The following B3GALT5 variants were observed in gnomAD, a reference collection of about 807,000 sequenced individuals.
B3GALT5 encodes UDP-Gal:betaGlcNAc beta 1,3-galactosyltransferase, polypeptide 5.
For missense variants in B3GALT5, 328 were observed against 396.6 expected (o/e 0.83, Z 1.47); for synonymous variants, 156 against 158.6 (o/e 0.98, Z 0.12).
In B3GALT5 at chr21:39,663,692, G is replaced by T. The variant is rs1337412987; in HGVS notation, c.*2200G>T. The T allele has an allele frequency of 6.6e-6, 1 of 152,168 alleles. No homozygotes were observed. Among genetic ancestry groups the T allele is most frequent in the Non-Finnish European group, 1.5e-5 (1 of 68,030 alleles). The allele number at this position is 152,168 out of a possible 1,614,324, so 9.4% of individuals were successfully genotyped here. On this transcript the variant is annotated 3_prime_UTR_variant, in exon 4 of 4. Coordinates refer to ENST00000684187, the MANE Select transcript of B3GALT5 (RefSeq NM_001356336.2). ...TTATTTCATGAATCTAGAACTTGAA[G>T]GAACCTTAGAGCTCATTCAATCCTG...
chr21:39,660,844 C>T lies in B3GALT5; in HGVS notation c.285C>T (p.Phe95=), dbSNP rs774271083. The T allele has an allele frequency of 1.9e-6, 3 of 1,609,330 alleles. No homozygotes were observed. Among genetic ancestry groups the T allele is most frequent in the Non-Finnish European group, 2.5e-6 (3 of 1,177,842 alleles). Residue 95 remains phenylalanine (F), a synonymous_variant, in exon 4 of 4, where the codon TTC becomes TTT. Transcript: ENST00000684187. ...AGGGAAAGCAGCTGAAGACATTCTT[C>T]CTCCTGGGGACCACCAGCAGTGCAG... ...MVKGKQLKTF[F]LLGTTSSAAE...
intron 1 of B3GALT5, among the ~76,000 whole-genome samples, chr21:39,615,220 TAGGGTTCCATCAAG>T (rs2079101270): frequency 6.6e-6 from 1 of 152,214 alleles, no homozygotes; most frequent in African/African-American, 2.4e-5. Flanking sequence ...GGCCTGAGGA[TAGGGTTCCATCAAG>T]CTTTGTGGCT....
intron 1 of B3GALT5, among the ~76,000 whole-genome samples, chr21:39,641,631 A>C (rs868470181): frequency 3.2e-4 from 48 of 152,172 alleles, no homozygotes; most frequent in African/African-American, 1.1e-3. Flanking sequence ...TAAGTCTTCG[A>C]TTGAATCTGA....
rs1238522931 is a variant in B3GALT5, at chr21:39,667,260, C to T, written c.*5768C>T. 5.3e-5 allele frequency: 8 copies of T among 152,222 alleles called. No individual in the cohort carries two copies. Among genetic ancestry groups the T allele is most frequent in the East Asian group, 1.9e-4 (1 of 5,188 alleles). 9.4% of individuals were successfully genotyped at this position (152,222 alleles called of 1,614,324 possible). ...GGTCAGACTGGTGATTTCCAACTCC[C>T]GCCGGGCACCGGGTGCTGCACCGGT... On this transcript the variant is annotated 3_prime_UTR_variant, in exon 4 of 4. Transcript: ENST00000684187.
At position 39,670,242 on chromosome 21, in the gene B3GALT5, TGA is replaced by T. The variant is rs146415160; in HGVS notation, c.*8763_*8764del. 4 of 151,396 alleles carry T rather than the reference TGA, an allele frequency of 2.6e-5. No individual in the cohort carries two copies. Among genetic ancestry groups the T allele is most frequent in the Non-Finnish European group, 4.4e-5 (3 of 67,932 alleles). The allele number at this position is 151,396 out of a possible 1,614,324, so 9.4% of individuals were successfully genotyped here. ...GTGTGTGTGTGTGTGTGTGTATCTA[TGA>T]GAGAGAGAGAGACAGACAGACAGAT... On this transcript the variant is annotated 3_prime_UTR_variant, in exon 4 of 4. Coordinates refer to ENST00000684187, the MANE Select transcript of B3GALT5 (RefSeq NM_001356336.2).
chr21:39,657,923 G>A, intron 2 of B3GALT5: 1 of 1,231,144 alleles, frequency 8.1e-7, no homozygotes, highest in Non-Finnish European at 1.0e-6. Context: ...GATAGTGCCT[G>A]TTCATGGCTC....
rs78003025 is a variant in B3GALT5 at position 39,635,637 on chromosome 21, C to G, written c.-391-10755C>G. ...GGGATTACAGGCCTGTGCCACCACA[C>G]CCAGCTAATTTTGTATTTTTTTAGT... is the stretch of plus-strand genomic sequence containing the variant. On this transcript the variant is annotated intron_variant, in intron 1 of 3. Transcript: ENST00000684187. 3.2e-3 allele frequency among the ~76,000 whole-genome samples: 484 copies of G among 152,264 alleles called. 3 individuals carry two copies. The highest frequency in any genetic ancestry group is 9.7e-3 in the African/African-American group (403 of 41,542).
chr21:39,633,415 A>G (rs2079205207), intron 1 of B3GALT5, among the ~76,000 whole-genome samples: 1 of 152,226 alleles, frequency 6.6e-6, no homozygotes, highest in African/African-American at 2.4e-5. Flanking sequence ...GAATAGTGCT[A>G]TGGAGGCACT....
At chr21:39,652,585 C>T (rs544469407) in intron 2 of B3GALT5, among the ~76,000 whole-genome samples, 81 of 152,310 alleles carry the variant, frequency 5.3e-4, no homozygotes, top group African/African-American at 1.9e-3. Flanking sequence ...AGGCTGCCTG[C>T]GGTTAGCAGA....
chr21:39,615,206 C>T (rs2079101156), intron 1 of B3GALT5, among the ~76,000 whole-genome samples: 2 of 152,198 alleles, frequency 1.3e-5, no homozygotes, highest in African/African-American at 4.8e-5. Context: ...TTCTCTTTTG[C>T]CTTGGCCTGA....
intron 1 of B3GALT5, among the ~76,000 whole-genome samples, chr21:39,634,383 T>C (rs1165937792): frequency 1.3e-5 from 2 of 152,042 alleles, no homozygotes; most frequent in African/African-American, 2.4e-5. Context: ...TGGGAAAACG[T>C]TGGGAGCTGG....
intron 1 of B3GALT5, among the ~76,000 whole-genome samples, chr21:39,638,068 G>A (rs911528065): frequency 6.6e-5 from 10 of 152,150 alleles, no homozygotes; most frequent in African/African-American, 2.4e-4. Context: ...TACGGAAGAG[G>A]GGAAGAGAAG....
intron 2 of B3GALT5, among the ~76,000 whole-genome samples, chr21:39,649,708 G>T (rs2079376435): frequency 6.6e-6 from 1 of 152,146 alleles, no homozygotes; most frequent in African/African-American, 2.4e-5. Flanking sequence ...AGACCAGGGT[G>T]ACCAGACATC....
chr21:39,630,646 C>T (rs1052560269), intron 1 of B3GALT5, among the ~76,000 whole-genome samples: 1 of 151,732 alleles, frequency 6.6e-6, no homozygotes, highest in African/African-American at 2.4e-5. Flanking sequence ...CGTTTTCTTT[C>T]ACATTAAATT....
chr21:39,646,159 C>T (rs2079337288), intron 1 of B3GALT5, among the ~76,000 whole-genome samples: 2 of 152,130 alleles, frequency 1.3e-5, no homozygotes. Context: ...GCCTCTGCAG[C>T]TTTGCCCGGA....
chr21:39,661,309 C>T lies in B3GALT5; in HGVS notation c.750C>T (p.Leu250=), dbSNP rs199993795. 2.5e-5 allele frequency: 40 copies of T among 1,614,114 alleles called. No homozygotes were observed. Among genetic ancestry groups the T allele is most frequent in the East Asian group, 2.0e-4 (9 of 44,878 alleles). The change falls in exon 4 of 4, where the codon CTC becomes CTT. Residue 250 remains leucine (L), a synonymous_variant. Coordinates refer to ENST00000684187, the MANE Select transcript of B3GALT5 (RefSeq NM_001356336.2). This position sits in a 1 kb window ranked among gnomAD's most constrained non-coding sequence, Gnocchi z 4.7. ...AAGACGTGTTTGTGGGGCTCTGCCT[C>T]GAAAGGCTGAACATCAGATTGGAGG... is the stretch of plus-strand genomic sequence containing the variant. ...KLEDVFVGLC[L]ERLNIRLEEL... is the part of the protein sequence containing the mutation.
intron 2 of B3GALT5, among the ~76,000 whole-genome samples, chr21:39,647,555 T>G (rs910161099): frequency 3.0e-5 from 1 of 33,236 alleles, no homozygotes; most frequent in African/African-American, 1.4e-4. Context: ...GCCACGCTGG[T>G]CCACGCTGGT....
At chr21:39,649,560 G>A (rs547753122) in intron 2 of B3GALT5, among the ~76,000 whole-genome samples, 2 of 152,242 alleles carry the variant, frequency 1.3e-5, no homozygotes, top group South Asian at 4.1e-4. Context: ...TATAGAGCCG[G>A]GCTTAATTCT....
In B3GALT5 at chr21:39,668,593, G is replaced by C. The variant is rs142563041; in HGVS notation, c.*7101G>C. On this transcript the variant is annotated 3_prime_UTR_variant, in exon 4 of 4. Transcript: ENST00000684187. ...TCCCCCTCCTGCTCTGAATCAATGC[G>C]AGTGAGATATGCATGCGGGAGGGAC... The C allele has an allele frequency of 6.6e-6, 1 of 152,130 alleles. No homozygotes were observed. Among genetic ancestry groups the C allele is most frequent in the African/African-American group, 2.4e-5 (1 of 41,388 alleles). The allele number at this position is 152,130 out of a possible 1,614,324, so 9.4% of individuals were successfully genotyped here.
Sources: gnomAD v4.1 joint callset for allele counts (sites outside exome capture counted in the v4.1 genomes callset) on GRCh38, gnomAD v4.1.1 for gene constraint, Gnocchi (gnomAD v3.1) non-coding constraint, MANE v1.5 for transcripts, NCBI Gene and HGNC (gene_info 2026-07-23, HGNC 2026-07-21) for gene names.